The following KCNIP4 variants were observed in gnomAD, a reference collection of about 807,000 sequenced individuals.
KCNIP4 encodes potassium voltage-gated channel interacting protein 4.
KCNIP4 carries 12 observed loss-of-function variants against 34.0 expected under a neutral mutation model. The ratio of observed to expected loss-of-function variants is 0.35; its 90% CI spans 0.23 to 0.57. KCNIP4 has a LOEUF of 0.57. KCNIP4 is among the 20% of genes least tolerant of loss of function. KCNIP4 has a pLI of 0.83. For missense variants in KCNIP4, 238 were observed against 311.7 expected (o/e 0.76, Z 1.78); for synonymous variants, 124 against 102.2 (o/e 1.21, Z -1.29).
chr4:21,185,408 C>G (rs138753547), intron 1 of KCNIP4, among the ~76,000 whole-genome samples: 421 of 151,916 alleles, frequency 2.8e-3, no homozygotes, highest in Non-Finnish European at 4.7e-3. Flanking sequence ...ACTCCCTCTT[C>G]CTCTTCTTCC....
At chr4:21,873,053 C>A (rs1725904224) in intron 1 of KCNIP4, among the ~76,000 whole-genome samples, 1 of 152,124 alleles carries the variant, frequency 6.6e-6, no homozygotes, top group Admixed American at 6.5e-5. Context: ...GAAATGTGAA[C>A]CACAGAAAGG....
chr4:21,391,656 C>A (rs913248238), intron 1 of KCNIP4, among the ~76,000 whole-genome samples: 1 of 152,126 alleles, frequency 6.6e-6, no homozygotes, highest in Admixed American at 6.6e-5. Context: ...CATCACTCAG[C>A]TGGAAAACCA....
chr4:21,781,847 A>G (rs1401887125), intron 1 of KCNIP4, among the ~76,000 whole-genome samples: 2 of 152,136 alleles, frequency 1.3e-5, no homozygotes, highest in Non-Finnish European at 2.9e-5. Flanking sequence ...TAAAGTTTCT[A>G]TATTTCACTT....
intron 1 of KCNIP4, among the ~76,000 whole-genome samples, chr4:21,241,935 C>A (rs1324906234): frequency 1.3e-5 from 2 of 151,852 alleles, no homozygotes; most frequent in African/African-American, 4.8e-5. Context: ...GAGGCCAAGG[C>A]GGGTGGATCA....
intron 1 of KCNIP4, among the ~76,000 whole-genome samples, chr4:21,237,881 A>G (rs1759487228): frequency 6.6e-6 from 1 of 152,214 alleles, no homozygotes; most frequent in South Asian, 2.1e-4. Flanking sequence ...TCATTTTATG[A>G]GGCCAGTATC....
At chr4:21,733,154 T>C (rs1265594821) in intron 1 of KCNIP4, among the ~76,000 whole-genome samples, 5 of 152,160 alleles carry the variant, frequency 3.3e-5, no homozygotes, top group Non-Finnish European at 7.4e-5. Flanking sequence ...ATACTTCTCT[T>C]CATTTTTTAT....
chr4:21,673,006 A>C (rs938567886), intron 1 of KCNIP4, among the ~76,000 whole-genome samples: 6 of 152,158 alleles, frequency 3.9e-5, no homozygotes, highest in Non-Finnish European at 8.8e-5. Flanking sequence ...CCAATAGAAA[A>C]AGAGAGAGAG....
chr4:21,801,956 AT>A (rs983117414), intron 1 of KCNIP4, among the ~76,000 whole-genome samples: 246 of 151,138 alleles, frequency 1.6e-3, no homozygotes, highest in African/African-American at 5.4e-3. Context: ...AATTCAGGGA[AT>A]TTTTTTTTTA....
At chr4:21,016,589 C>G (rs966038920) in intron 1 of KCNIP4, among the ~76,000 whole-genome samples, 1 of 152,098 alleles carries the variant, frequency 6.6e-6, no homozygotes, top group East Asian at 1.9e-4. Flanking sequence ...GACACCTCAC[C>G]CAGCCAAGCT....
At chr4:21,169,151 ACT>A (rs1257788681) in intron 1 of KCNIP4, among the ~76,000 whole-genome samples, 3 of 151,784 alleles carry the variant, frequency 2.0e-5, no homozygotes, top group Non-Finnish European at 2.9e-5. Context: ...AGGAATTAAA[ACT>A]CTATTTTGTT....
At chr4:21,146,658 T>A (rs1202861343) in intron 1 of KCNIP4, among the ~76,000 whole-genome samples, 3 of 151,686 alleles carry the variant, frequency 2.0e-5, no homozygotes, top group African/African-American at 7.3e-5. Context: ...CGGTGTGTGT[T>A]TACACACATC....
chr4:20,885,316 A>G (rs570903516), intron 1 of KCNIP4, among the ~76,000 whole-genome samples: 1 of 152,250 alleles, frequency 6.6e-6, no homozygotes, highest in Admixed American at 6.5e-5. Flanking sequence ...ACTCCTGCAG[A>G]TAACATCACT....
chr4:21,073,897 T>A (rs566187280), intron 1 of KCNIP4, among the ~76,000 whole-genome samples: 1 of 152,204 alleles, frequency 6.6e-6, no homozygotes, highest in Non-Finnish European at 1.5e-5. Context: ...GAGATAATCA[T>A]GTGGTTTTTG....
chr4:21,081,444 G>A (rs895009257), intron 1 of KCNIP4, among the ~76,000 whole-genome samples: 13 of 151,654 alleles, frequency 8.6e-5, no homozygotes, highest in African/African-American at 3.2e-4. Context: ...GACCCAAGAT[G>A]TGAAACTCAA....
At chr4:21,791,447 A>C (rs762707855) in intron 1 of KCNIP4, among the ~76,000 whole-genome samples, 10 of 152,170 alleles carry the variant, frequency 6.6e-5, no homozygotes, top group African/African-American at 9.7e-5. Context: ...AATAAAGCAG[A>C]CAAGTGAGAA....
At chr4:21,596,523 G>A (rs948319239) in intron 1 of KCNIP4, among the ~76,000 whole-genome samples, 1 of 151,998 alleles carries the variant, frequency 6.6e-6, no homozygotes, top group Non-Finnish European at 1.5e-5. Flanking sequence ...AAATCAAATT[G>A]TGTGTGCACT....
intron 1 of KCNIP4, among the ~76,000 whole-genome samples, chr4:21,615,255 A>G (rs1374378700): frequency 6.6e-6 from 1 of 152,110 alleles, no homozygotes; most frequent in East Asian, 1.9e-4. Flanking sequence ...CATACATCAT[A>G]TAGGGCCGGG....
intron 1 of KCNIP4, among the ~76,000 whole-genome samples, chr4:21,294,336 C>T (rs1336622895): frequency 6.6e-6 from 1 of 152,180 alleles, no homozygotes; most frequent in Non-Finnish European, 1.5e-5. Context: ...TGGGCCCTAA[C>T]TCCCTGCTGA....
chr4:21,668,093 A>C (rs1213292856), intron 1 of KCNIP4, among the ~76,000 whole-genome samples: 2 of 152,206 alleles, frequency 1.3e-5, no homozygotes, highest in Admixed American at 1.3e-4. Context: ...GACACGGATG[A>C]AGCTGGAAGC....
Sources: gnomAD v4.1 joint callset for allele counts (sites outside exome capture counted in the v4.1 genomes callset) on GRCh38, gnomAD v4.1.1 for gene constraint, MANE v1.5 for transcripts, NCBI Gene and HGNC (gene_info 2026-07-23, HGNC 2026-07-21) for gene names.